The following FRMD6 variants were observed in gnomAD, a reference collection of about 807,000 sequenced individuals.
FRMD6 encodes the protein FERM domain containing 6, also known as FERM domain-containing protein 6.
A neutral mutation model predicts 73.2 loss-of-function variants in FRMD6; 37 were observed. That is an observed-to-expected ratio of 0.51 (90% CI 0.39 to 0.66). FRMD6 has a LOEUF of 0.66. Among genes scored for constraint, FRMD6 ranks in the 30% least tolerant of loss-of-function variants. The pLI, the probability that FRMD6 is intolerant of heterozygous loss-of-function variation, is 0.00. For missense variants in FRMD6, 714 were observed against 780.5 expected (o/e 0.91, Z 1.02); for synonymous variants, 273 against 282.2 (o/e 0.97, Z 0.33).
At chr14:51,721,532 C>T (rs1198484264) in intron 11 of FRMD6, among the ~76,000 whole-genome samples, 1 of 151,184 alleles carries the variant, frequency 6.6e-6, no homozygotes, top group South Asian at 2.1e-4. Flanking sequence ...ATCGCTTGAA[C>T]CCAGGAGGCG....
At chr14:51,429,352 G>T in the FRMD6 span, among the ~76,000 whole-genome samples, 1 of 152,130 alleles carries the variant, frequency 6.6e-6, no homozygotes, top group Non-Finnish European at 1.5e-5. Flanking sequence ...TAGATAATCA[G>T]AACTCTCCCC....
intron 3 of FRMD6, among the ~76,000 whole-genome samples, chr14:51,699,633 A>C (rs1252326062): frequency 6.6e-6 from 1 of 152,076 alleles, no homozygotes; most frequent in Admixed American, 6.6e-5. Context: ...TTTCGCGTCA[A>C]ATGGAAATTA....
At chr14:51,490,405 C>G (rs1596485872) in intron 1 of FRMD6, among the ~76,000 whole-genome samples, 1 of 151,982 alleles carries the variant, frequency 6.6e-6, no homozygotes, top group East Asian at 1.9e-4. Context: ...GAGAGAGAGA[C>G]AGAATATGAG....
At chr14:51,417,262 A>C in the FRMD6 span, among the ~76,000 whole-genome samples, 1 of 152,108 alleles carries the variant, frequency 6.6e-6, no homozygotes, top group African/African-American at 2.4e-5. Flanking sequence ...GGTCTTTACA[A>C]TTTGGCATGT....
At chr14:51,546,880 C>T (rs1167908221) in intron 1 of FRMD6, 3 of 151,738 alleles carry the variant, frequency 2.0e-5, no homozygotes, top group African/African-American at 4.8e-5. Flanking sequence ...TTGAGAAACC[C>T]GGGTAAAAGA....
chr14:51,604,090 T>G lies in FRMD6; in HGVS notation c.-147+33680T>G, dbSNP rs76388415. Among the ~76,000 whole-genome samples the G allele has an allele frequency of 3.7e-3, 560 of 152,258 alleles. 2 individuals are homozygous for G. Among genetic ancestry groups the G allele is most frequent in the Middle Eastern group, 0.014 (4 of 294 alleles). On this transcript the variant is annotated intron_variant, in intron 2 of 14. Transcript: ENST00000356218. ...GGAGCAGTTCAGAAGAGCCACTGGC[T>G]TTGTCATTTGGTCAGGAAGCTTTCA...
chr14:51,704,828 G>A lies in FRMD6; in HGVS notation c.451G>A (p.Ala151Thr). Residue 151 changes from alanine to threonine, a missense_variant, in exon 6 of 14, where the codon GCC (alanine) becomes ACC (threonine). Ala to Thr is a moderately conservative substitution (Grantham distance 58). Transcript: ENST00000344768. ...TTCTCAGTGTGTGCTCCGAGAGGAG[G>A]CCTACTTCCTGCTGGCAGCCTTTGC... ...LHSQCVLREE[A>T]YFLLAAFALQ... 1.2e-6 allele frequency: 2 copies of A among 1,613,380 alleles called. No individual in the cohort carries two copies. Among genetic ancestry groups the A allele is most frequent in the Non-Finnish European group, 1.7e-6 (2 of 1,179,564 alleles).
chr14:51,523,786 T>A (rs1885077298), intron 1 of FRMD6, among the ~76,000 whole-genome samples: 1 of 152,204 alleles, frequency 6.6e-6, no homozygotes, highest in African/African-American at 2.4e-5. Flanking sequence ...ATCTGCAATT[T>A]AGGGCCAATT....
chr14:51,467,173 A>C, the FRMD6 span, among the ~76,000 whole-genome samples: 1 of 152,302 alleles, frequency 6.6e-6, no homozygotes, highest in Non-Finnish European at 1.5e-5. Context: ...ATGACTCTTA[A>C]GGAGCATGCT....
chr14:51,664,726 T>C (rs1266544326), intron 1 of FRMD6, among the ~76,000 whole-genome samples: 5 of 152,246 alleles, frequency 3.3e-5, no homozygotes, highest in Non-Finnish European at 4.4e-5. Flanking sequence ...CAGTGGGTTG[T>C]GGTATATGCA....
chr14:51,623,284 C>T (rs985814753), intron 2 of FRMD6, among the ~76,000 whole-genome samples: 18 of 152,146 alleles, frequency 1.2e-4, no homozygotes, highest in Admixed American at 3.9e-4. Context: ...ATGAGATTAT[C>T]GCATTGGAGA....
intron 1 of FRMD6, among the ~76,000 whole-genome samples, chr14:51,541,807 A>C (rs1171277270): frequency 1.3e-5 from 2 of 152,090 alleles, no homozygotes; most frequent in African/African-American, 2.4e-5. Context: ...GGAGAGACTG[A>C]AGGTGTTTTT....
At chr14:51,613,096 G>T (rs1413387330) in intron 2 of FRMD6, among the ~76,000 whole-genome samples, 1 of 152,172 alleles carries the variant, frequency 6.6e-6, no homozygotes, top group Admixed American at 6.5e-5. Context: ...GTTTATGGAG[G>T]ACCTTTTTGG....
intron 2 of FRMD6, among the ~76,000 whole-genome samples, chr14:51,632,441 T>A (rs1891373341): frequency 1.3e-5 from 2 of 152,240 alleles, no homozygotes; most frequent in Non-Finnish European, 2.9e-5. Context: ...ATATTCAATG[T>A]GCATTATGAG....
chr14:51,708,203 C>T lies in FRMD6; in HGVS notation c.684C>T (p.Asp228=), dbSNP rs201743850. 2.7e-5 allele frequency: 44 copies of T among 1,613,024 alleles called. No homozygotes were observed. In the East Asian group the frequency reaches 6.2e-4, roughly 23 times the overall value. ...TCAAAGAGGCTGTCCGACTGGATGA[C>T]GTCGCTGTTCATTACTACAGATTGT... ...KYIKEAVRLD[D]VAVHYYRLYK... The change falls in exon 7 of 14, where the codon GAC becomes GAT. Residue 228 remains aspartate, a synonymous_variant. Coordinates refer to ENST00000344768, the MANE Select transcript of FRMD6 (RefSeq NM_001267046.2).
intron 2 of FRMD6, among the ~76,000 whole-genome samples, chr14:51,636,139 C>A (rs1388615991): frequency 6.6e-6 from 1 of 152,092 alleles, no homozygotes; most frequent in Non-Finnish European, 1.5e-5. Context: ...GGTGGTGAGA[C>A]AAGATGGTGG....
At chr14:51,427,220 T>G in the FRMD6 span, among the ~76,000 whole-genome samples, 1 of 152,206 alleles carries the variant, frequency 6.6e-6, no homozygotes, top group Admixed American at 6.5e-5. Context: ...CTAGAGCACA[T>G]TTTCCTCAAA....
chr14:51,683,638 C>T (rs1894960511), intron 1 of FRMD6, among the ~76,000 whole-genome samples: 1 of 152,022 alleles, frequency 6.6e-6, no homozygotes, highest in African/African-American at 2.4e-5. Flanking sequence ...AACCTGATAG[C>T]TAATACTTAT....
At chr14:51,448,267 A>G in the FRMD6 span, among the ~76,000 whole-genome samples, 1 of 152,268 alleles carries the variant, frequency 6.6e-6, no homozygotes, top group East Asian at 1.9e-4. Flanking sequence ...TGTATTCTCC[A>G]TATGTCTTTA....
Sources: allele counts gnomAD v4.1 joint callset (sites outside exome capture counted in the v4.1 genomes callset), GRCh38; gene constraint gnomAD v4.1.1; transcripts MANE v1.5; gene names NCBI Gene and HGNC (gene_info 2026-07-23, HGNC 2026-07-21).